RNF4: variants seen among roughly 807,000 people sequenced by gnomAD.
The protein encoded by RNF4 is E3 ubiquitin-protein ligase RNF4.
A neutral mutation model predicts 24.3 loss-of-function variants in RNF4; 7 were observed. The observed-to-expected ratio is 0.29, with a 90% CI of 0.16 to 0.54. RNF4 has a LOEUF of 0.54. Among genes scored for constraint, RNF4 ranks in the 20% least tolerant of loss-of-function variants. The pLI, the probability that RNF4 is intolerant of heterozygous loss-of-function variation, is 0.95. For missense variants in RNF4, 209 were observed against 248.5 expected, an observed-to-expected ratio of 0.84 and a Z score of 1.07; for synonymous variants, 83 against 84.3, an observed-to-expected ratio of 0.98 and a Z score of 0.09.
chr4:2,512,585 C>G lies in RNF4; in HGVS notation c.362C>G (p.Ala121Gly), dbSNP rs1402794370. Residue 121 changes from alanine to glycine, a missense_variant, in exon 6 of 8, where the codon GCT becomes GGT. By Grantham distance (60) the Ala-to-Gly change is moderately conservative. Coordinates refer to ENST00000314289, the MANE Select transcript of RNF4 (RefSeq NM_002938.5). This position sits in a 1 kb window ranked among gnomAD's most constrained non-coding sequence, Gnocchi z 4.1. ...CCCAGAAACGCCAGGGATGAGGGCG[C>G]TACAGGCCTCAGGTACCAACGTGCC... ...HTPRNARDEG[A>G]TGLRPSGTVS... 3.1e-6 allele frequency: 5 copies of G among 1,613,780 alleles called. No homozygotes were observed. In the South Asian group the frequency reaches 5.5e-5, roughly 18 times the overall value.
In RNF4 at chr4:2,511,277, G is replaced by T. The variant is rs940758393; in HGVS notation, c.205-679G>T. ...GCTGTGGCAGCCCCCAGATAGTAAGGAAGGTCCCCAGGTCTTGCAGTCAGC... is the reference window on the plus strand; with the variant it reads ...GCTGTGGCAGCCCCCAGATAGTAAGTAAGGTCCCCAGGTCTTGCAGTCAGC... On this transcript the variant is annotated intron_variant, in intron 4 of 7. Transcript: ENST00000314289. Among the ~76,000 whole-genome samples the T allele has an allele frequency of 1.1e-4, 15 of 132,804 alleles. No homozygotes were observed. The East Asian group carries it at 1.4e-3, about 13-fold the overall frequency. 87.1% of individuals were successfully genotyped at this position (132,804 alleles called of 152,430 possible).
chr4:2,508,875 G>T (rs1246670495), intron 4 of RNF4, among the ~76,000 whole-genome samples: 2 of 121,990 alleles, frequency 1.6e-5, no homozygotes, highest in Non-Finnish European at 1.7e-5. Context: ...GCCTCCCAGA[G>T]TGCTGGGATT....
Position 2,504,524 on chromosome 4 carries a change from T to TTTTATTTATTTA in RNF4, c.204+3818_204+3829dup, listed in dbSNP as rs148529651. ...GTTTAAAACTTCTTTGTTTTATAGC[T>TTTTATTTATTTA]TTTATTTATTTATTTATTTATTTAT... On this transcript the variant is annotated intron_variant, in intron 4 of 7. Transcript: ENST00000314289. Among the ~76,000 whole-genome samples, 888 of 140,858 alleles carry TTTTATTTATTTA rather than the reference T, an allele frequency of 6.3e-3. 11 individuals are homozygous for TTTTATTTATTTA. The highest frequency in any genetic ancestry group is 0.021 in the South Asian group (94 of 4,384). 92.4% of individuals were successfully genotyped at this position (140,858 alleles called of 152,430 possible).
At chr4:2,492,023 C>T (rs1735595942) in intron 2 of RNF4, among the ~76,000 whole-genome samples, 1 of 151,694 alleles carries the variant, frequency 6.6e-6, no homozygotes, top group Non-Finnish European at 1.5e-5. Flanking sequence ...ACGGTGAAAC[C>T]CCGTCTCTAC....
intron 1 of RNF4, among the ~76,000 whole-genome samples, chr4:2,485,324 C>T (rs138976361): frequency 3.4e-4 from 52 of 152,292 alleles, no homozygotes; most frequent in Admixed American, 1.2e-3. Context: ...GTCTGAGTGA[C>T]GGCTCCAGGT....
intron 2 of RNF4, among the ~76,000 whole-genome samples, chr4:2,493,443 G>C (rs1480943635): frequency 6.6e-6 from 1 of 152,078 alleles, no homozygotes; most frequent in Non-Finnish European, 1.5e-5. Context: ...AAACCACACA[G>C]GTAGCTGTGG....
intron 4 of RNF4, among the ~76,000 whole-genome samples, chr4:2,503,963 T>A (rs1735991866): frequency 6.6e-6 from 1 of 152,102 alleles, no homozygotes; most frequent in Non-Finnish European, 1.5e-5. Context: ...GTGCCTGTGG[T>A]CCCAGCTACT....
Position 2,512,414 on chromosome 4 carries a change from T to C in RNF4, c.215-24T>C. ...TGGTAAGAGTAGAGAGCCTCCAACC[T>C]GAAAATGTGACCTCTTACCTTAGAA... is the stretch of plus-strand genomic sequence containing the variant. On this transcript the variant is annotated intron_variant, in intron 5 of 7. Coordinates refer to ENST00000314289, the MANE Select transcript of RNF4 (RefSeq NM_002938.5). The surrounding 1 kb of genome is among the most constrained non-coding windows in gnomAD (Gnocchi z 4.1). The C allele has an allele frequency of 6.3e-7, 1 of 1,592,296 alleles. No individual in the cohort carries two copies. Among genetic ancestry groups the C allele is most frequent in the South Asian group, 1.1e-5 (1 of 87,936 alleles).
At chr4:2,484,067 T>TTTCCCCCCC (rs113878655) in intron 1 of RNF4, among the ~76,000 whole-genome samples, 2 of 13,244 alleles carry the variant, frequency 1.5e-4, no homozygotes, top group Admixed American at 7.1e-4. Context: ...CCTCAGGTGA[T>TTTCCCCCCC]CCCCCCCCGC....
At chr4:2,479,646 G>C (rs1735189365) in intron 1 of RNF4, among the ~76,000 whole-genome samples, 1 of 152,188 alleles carries the variant, frequency 6.6e-6, no homozygotes, top group South Asian at 2.1e-4. Context: ...CCCCAGCCAT[G>C]TGGAACTGTT....
At chr4:2,508,911 C>CTT (rs66571775) in intron 4 of RNF4, among the ~76,000 whole-genome samples, 4,597 of 62,604 alleles carry the variant, frequency 0.073, 356 homozygotes, top group South Asian at 0.1. Context: ...TGCCCCAGGC[C>CTT]TTTTTTTTTT....
At chr4:2,474,037 G>C (rs367691881) in intron 1 of RNF4, among the ~76,000 whole-genome samples, 33 of 150,234 alleles carry the variant, frequency 2.2e-4, no homozygotes, top group African/African-American at 7.6e-4. Context: ...GCCAAGATCG[G>C]GCCACTGCAC....
intron 3 of RNF4, among the ~76,000 whole-genome samples, chr4:2,498,460 TTACAGGCCTGAGCCACCCG>T (rs1462346660): frequency 2.0e-5 from 3 of 152,122 alleles, no homozygotes. Flanking sequence ...AGTGCTGGGA[TTACAGGCCTGAGCCACCCG>T]CCTGGCCTAG....
chr4:2,481,047 C>G (rs190271595), intron 1 of RNF4: 2 of 152,160 alleles, frequency 1.3e-5, no homozygotes. Context: ...AATATACACA[C>G]CTTCCACATA....
chr4:2,512,259 A>T lies in RNF4; in HGVS notation c.215-179A>T. On this transcript the variant is annotated intron_variant, in intron 5 of 7. Transcript: ENST00000314289. The surrounding 1 kb of genome is among the most constrained non-coding windows in gnomAD (Gnocchi z 4.1). ...GTTGGGGGGTTTCTCCTGGGAAGAT[A>T]AGATAGTGGCCTCCAGAGCTGGGCA... 1 of 758,892 alleles carries T rather than the reference A, an allele frequency of 1.3e-6. No individual in the cohort carries two copies. Among genetic ancestry groups the T allele is most frequent in the Non-Finnish European group, 2.1e-6 (1 of 466,402 alleles). The allele number at this position is 758,892 out of a possible 1,614,324, so 47.0% of individuals were successfully genotyped here.
chr4:2,498,494 C>T (rs1735804912), intron 3 of RNF4, among the ~76,000 whole-genome samples: 1 of 152,010 alleles, frequency 6.6e-6, no homozygotes, highest in Non-Finnish European at 1.5e-5. Flanking sequence ...GCCTAGAGCA[C>T]TGTTTTTGTA....
At chr4:2,513,215 G>T in intron 7 of RNF4, 84 bp downstream of exon 7, 1 of 1,310,556 alleles carries the variant, frequency 7.6e-7, no homozygotes, top group Non-Finnish European at 1.1e-6. Context: ...CTTCCCCCTC[G>T]GTGGGATTGG....
At chr4:2,495,509 A>G (rs565001808) in intron 2 of RNF4, among the ~76,000 whole-genome samples, 9 of 152,230 alleles carry the variant, frequency 5.9e-5, no homozygotes, top group African/African-American at 2.2e-4. Context: ...GGAACTTGAG[A>G]CTTAGTAGTG....
chr4:2,471,623 G>A (rs1560397121), intron 1 of RNF4, among the ~76,000 whole-genome samples: 1 of 152,234 alleles, frequency 6.6e-6, no homozygotes, highest in Non-Finnish European at 1.5e-5. Flanking sequence ...TAGCCAAGTT[G>A]TGAATGCAGA....
Sources: gnomAD v4.1 joint callset for allele counts (sites outside exome capture counted in the v4.1 genomes callset) on GRCh38, gnomAD v4.1.1 for gene constraint, Gnocchi (gnomAD v3.1) non-coding constraint, MANE v1.5 for transcripts, NCBI Gene and HGNC (gene_info 2026-07-23, HGNC 2026-07-21) for gene names.